RNF150: variants seen among roughly 807,000 people sequenced by gnomAD.
RNF150 encodes the protein ring finger protein 150.
RNF150 carries 24 observed loss-of-function variants against 39.3 expected under a neutral mutation model. That is an observed-to-expected ratio of 0.61 (90% CI 0.44 to 0.86). The LOEUF (loss-of-function observed/expected upper bound fraction) is 0.86. Among genes scored for constraint, RNF150 ranks in the 40% least tolerant of loss-of-function variants. The pLI, the probability that RNF150 is intolerant of heterozygous loss-of-function variation, is 0.00. For missense variants in RNF150, 502 were observed against 587.8 expected (o/e 0.85, Z 1.51); for synonymous variants, 255 against 227.3 (o/e 1.12, Z -1.10).
chr4:141,140,830 T>C (rs1380712596), intron 1 of RNF150, among the ~76,000 whole-genome samples: 1 of 152,168 alleles, frequency 6.6e-6, no homozygotes, highest in Non-Finnish European at 1.5e-5. Flanking sequence ...ATAAATACTT[T>C]CCCTTTTATG....
In RNF150 at chr4:140,862,117, T is replaced by TC. The variant is rs1728515008; in HGVS notation, c.*6143dup. 1 of 152,178 alleles carries TC rather than the reference T, an allele frequency of 6.6e-6. No homozygotes were observed. Among genetic ancestry groups the TC allele is most frequent in the African/African-American group, 2.4e-5 (1 of 41,438 alleles). 9.4% of individuals were successfully genotyped at this position (152,178 alleles called of 1,614,324 possible). On this transcript the variant is annotated 3_prime_UTR_variant, in exon 7 of 7. Transcript: ENST00000515673. ...ACATTACCCTGCTTCTCCAAGCCTG[T>TC]CACTTCACTAAGGATAACAGACCAC...
intron 1 of RNF150, among the ~76,000 whole-genome samples, chr4:141,095,036 G>A (rs1578723273): frequency 6.6e-6 from 1 of 152,224 alleles, no homozygotes. Context: ...CTATCAGAGA[G>A]CTGAGAGTTG....
chr4:140,884,102 T>A (rs1250706379), intron 6 of RNF150, among the ~76,000 whole-genome samples: 1 of 152,190 alleles, frequency 6.6e-6, no homozygotes, highest in Non-Finnish European at 1.5e-5. Context: ...TCAGTTACTG[T>A]AGTCTTCAAC....
At chr4:140,996,817 G>A (rs1734394207) in intron 1 of RNF150, 2 of 152,190 alleles carry the variant, frequency 1.3e-5, no homozygotes, top group Admixed American at 1.3e-4. Flanking sequence ...TCATTGTGTG[G>A]TACAGACCAA....
intron 1 of RNF150, among the ~76,000 whole-genome samples, chr4:141,075,502 G>A (rs1274964431): frequency 6.6e-6 from 1 of 152,168 alleles, no homozygotes; most frequent in Non-Finnish European, 1.5e-5. Context: ...TCTAATCCCA[G>A]TCTATTAATC....
At chr4:140,880,660 T>A (rs1729339874) in intron 6 of RNF150, among the ~76,000 whole-genome samples, 1 of 151,984 alleles carries the variant, frequency 6.6e-6, no homozygotes, top group East Asian at 1.9e-4. Context: ...TTTGTTTGTT[T>A]GTTTGTTTGT....
At chr4:141,126,158 C>T (rs1044745949) in intron 1 of RNF150, among the ~76,000 whole-genome samples, 2 of 151,942 alleles carry the variant, frequency 1.3e-5, no homozygotes, top group Non-Finnish European at 2.9e-5. Context: ...CATGGAAGAT[C>T]AAGACCAAGC....
intron 1 of RNF150, among the ~76,000 whole-genome samples, chr4:141,057,484 T>C (rs1324279931): frequency 1.3e-5 from 2 of 152,100 alleles, no homozygotes; most frequent in Non-Finnish European, 2.9e-5. Context: ...TATGAGATTT[T>C]AGTGCACCCA....
At chr4:140,928,689 G>C (rs1731493660) in intron 4 of RNF150, among the ~76,000 whole-genome samples, 1 of 152,120 alleles carries the variant, frequency 6.6e-6, no homozygotes, top group African/African-American at 2.4e-5. Flanking sequence ...TGGGACTACA[G>C]GCGCCTGCCA....
chr4:141,154,662 T>G (rs1727353873), intron 1 of RNF150, among the ~76,000 whole-genome samples: 1 of 152,214 alleles, frequency 6.6e-6, no homozygotes. Flanking sequence ...ATACTTAAAA[T>G]GCAGACCACA....
rs562092379 is a variant in RNF150, at chr4:140,926,328, C to T, written c.891-255G>A. ...CAAGTTTCAGAAAATGTAGAAAATG[C>T]AGAAACTGAGAGATTTTTCTTTTTC... On this transcript the variant is annotated intron_variant, in intron 4 of 6. Coordinates refer to ENST00000515673, the MANE Select transcript of RNF150 (RefSeq NM_020724.2). Among the ~76,000 whole-genome samples, 211 of 152,266 alleles carry T rather than the reference C, an allele frequency of 1.4e-3. 1 individual carries two copies. Among genetic ancestry groups the T allele is most frequent in the Non-Finnish European group, 1.7e-3 (116 of 68,018 alleles).
At chr4:141,173,601 A>T (rs561608162) in intron 1 of RNF150, among the ~76,000 whole-genome samples, 1 of 152,254 alleles carries the variant, frequency 6.6e-6, no homozygotes, top group African/African-American at 2.4e-5. Flanking sequence ...GCCCTCTTGC[A>T]CCTCTGCCAG....
At chr4:141,080,828 A>C (rs1201214850) in intron 1 of RNF150, among the ~76,000 whole-genome samples, 1 of 152,188 alleles carries the variant, frequency 6.6e-6, no homozygotes, top group Non-Finnish European at 1.5e-5. Context: ...GCACCAGTAG[A>C]GGCAAAGGTA....
chr4:141,124,621 G>A (rs957252905), intron 1 of RNF150, among the ~76,000 whole-genome samples: 10 of 152,128 alleles, frequency 6.6e-5, no homozygotes, highest in African/African-American at 2.4e-4. Context: ...GTGGGGAACA[G>A]AAAAGAGAAA....
intron 2 of RNF150, among the ~76,000 whole-genome samples, chr4:140,949,957 T>C (rs1009588506): frequency 6.6e-6 from 1 of 152,184 alleles, no homozygotes; most frequent in African/African-American, 2.4e-5. Flanking sequence ...TAAAACATAA[T>C]GTTCAGTTTA....
intron 6 of RNF150, among the ~76,000 whole-genome samples, chr4:140,873,131 C>T (rs1469040929): frequency 6.6e-6 from 1 of 152,152 alleles, no homozygotes; most frequent in Non-Finnish European, 1.5e-5. Flanking sequence ...GAATTAGTTA[C>T]CAATATTTGC....
intron 5 of RNF150, among the ~76,000 whole-genome samples, chr4:140,917,584 C>A (rs1434258564): frequency 2.0e-5 from 3 of 152,104 alleles, no homozygotes; most frequent in Admixed American, 6.6e-5. Flanking sequence ...CCCACACAAT[C>A]ATAATGGGAG....
chr4:140,972,777 T>C (rs926273729), intron 1 of RNF150, among the ~76,000 whole-genome samples: 1 of 152,268 alleles, frequency 6.6e-6, no homozygotes, highest in African/African-American at 2.4e-5. Context: ...AACCCATCTG[T>C]TGAGGACTGA....
chr4:141,064,629 T>TA lies in RNF150; in HGVS notation c.484+67695dup, dbSNP rs541017412. ...ATCTCTAACAACAACAACAAAAAAT[T>TA]AAAAAATATAAAGATAATTATGTTT... On this transcript the variant is annotated intron_variant, in intron 1 of 6. Transcript: ENST00000515673. 1.7e-3 allele frequency among the ~76,000 whole-genome samples: 261 copies of TA among 149,276 alleles called. 3 individuals carry two copies. Among genetic ancestry groups the TA allele is most frequent in the African/African-American group, 5.7e-3 (234 of 40,712 alleles).
Sources: gnomAD v4.1 joint callset for allele counts (sites outside exome capture counted in the v4.1 genomes callset) on GRCh38, gnomAD v4.1.1 for gene constraint, MANE v1.5 for transcripts, NCBI Gene and HGNC (gene_info 2026-07-23, HGNC 2026-07-21) for gene names.